Variants in MFAP2 observed in about 807,000 individuals in gnomAD.
MFAP2 encodes the protein microfibrillar-associated protein 2.
MFAP2 carries 23 observed loss-of-function variants against 30.6 expected under a neutral mutation model. The observed-to-expected ratio is 0.75, with a 90% CI of 0.54 to 1.07. The LOEUF (loss-of-function observed/expected upper bound fraction) is 1.07, where lower values mean the gene tolerates loss of function less well. Among genes scored for constraint, MFAP2 ranks in the 50% least tolerant of loss-of-function variants. MFAP2 has a pLI of 0.00. For synonymous variants in MFAP2, 73 were observed against 85.7 expected (o/e 0.85, Z 0.82); for missense variants, 198 against 223.8 (o/e 0.88, Z 0.74).
chr1:16,980,273 C>G (rs1169190678), intron 1 of MFAP2, among the ~76,000 whole-genome samples: 6 of 134,030 alleles, frequency 4.5e-5, no homozygotes. Flanking sequence ...CCGGACCCCC[C>G]CCCCCCACCC....
rs1387351954 is a variant in MFAP2 at position 16,975,048 on chromosome 1, G to T, written c.449-25C>A. ...GCTATTGGGGGCAGGAAGGAGGCAG[G>T]GTCAGGGTGGAGCTGGGTGATGGGA... On this transcript the variant is annotated intron_variant, in intron 8 of 8. Transcript: ENST00000375535. This position sits in a 1 kb window ranked among gnomAD's most constrained non-coding sequence, Gnocchi z 5.0. 3 of 873,008 alleles carry T rather than the reference G, an allele frequency of 3.4e-6. No homozygotes were observed. The highest frequency in any genetic ancestry group is 5.6e-6 in the Non-Finnish European group (3 of 534,210). The allele number at this position is 873,008 out of a possible 1,614,324, so 54.1% of individuals were successfully genotyped here. A position where few individuals can be genotyped will look rare whatever the true frequency, so the allele number is the denominator to read the frequency against.
chr1:16,977,252 C>A, intron 2 of MFAP2, 54 bp from the exon 3 acceptor site: 1 of 1,571,860 alleles, frequency 6.4e-7, no homozygotes, highest in South Asian at 1.1e-5. Context: ...AACGGGGGCC[C>A]GAGGCGCTTC....
At chr1:16,979,381 A>G (rs1300105658) in intron 1 of MFAP2, among the ~76,000 whole-genome samples, 2 of 152,094 alleles carry the variant, frequency 1.3e-5, no homozygotes, top group African/African-American at 4.8e-5. Flanking sequence ...TGGAAACCCC[A>G]ACTTTGGTCT....
Position 16,977,184 on chromosome 1 carries a change from G to C in MFAP2, c.52C>G (p.Gln18Glu). ...LLFLPAGLLAQGQYDLDPLPP... is the reference protein window; with the variant it reads ...LLFLPAGLLAEGQYDLDPLPP... ...AGCGGGTCCAGGTCATACTGGCCCTGAGCCAGCAAGCCTGCTGTGGGGAGG... is the reference window on the plus strand; with the variant it reads ...AGCGGGTCCAGGTCATACTGGCCCTCAGCCAGCAAGCCTGCTGTGGGGAGG... The change falls in exon 3 of 9, where the codon CAG (glutamine) becomes GAG (glutamate). Residue 18 changes from glutamine to glutamate, a missense_variant. Gln to Glu is a conservative substitution (Grantham distance 29, BLOSUM62 2). Coordinates refer to ENST00000375535, the MANE Select transcript of MFAP2 (RefSeq NM_002403.4). 3 of 1,613,446 alleles carry C rather than the reference G, an allele frequency of 1.9e-6. No homozygotes were observed. The highest frequency in any genetic ancestry group is 2.5e-6 in the Non-Finnish European group (3 of 1,179,916).
At position 16,976,450 on chromosome 1, in the gene MFAP2, C is replaced by G; in HGVS notation, c.286+51G>C. 6.2e-7 allele frequency: 1 copy of G among 1,612,736 alleles called. No homozygotes were observed. The highest frequency in any genetic ancestry group is 2.2e-5 in the East Asian group (1 of 44,884). ...CCACCAGCACCACCCCCTACTCCAC[C>G]CCAACTTCAGGGCGTGCCTCCATTT... On this transcript the variant is annotated intron_variant, in intron 6 of 8. Coordinates refer to ENST00000375535, the MANE Select transcript of MFAP2 (RefSeq NM_002403.4). This position sits in a 1 kb window ranked among gnomAD's most constrained non-coding sequence, Gnocchi z 5.5.
At position 16,976,388 on chromosome 1, in the gene MFAP2, C is replaced by G. The variant is rs2076591624; in HGVS notation, c.286+113G>C. 1 of 1,394,370 alleles carries G rather than the reference C, an allele frequency of 7.2e-7. No individual in the cohort carries two copies. The allele number at this position is 1,394,370 out of a possible 1,614,324, so 86.4% of individuals were successfully genotyped here. The stretch of plus-strand genomic sequence containing the variant: ...ACGGCAGTCATACTGCCCACACTGC[C>G]AAGAGCCCACATGGGCAAGGGCCAA... On this transcript the variant is annotated intron_variant, in intron 6 of 8. Transcript: ENST00000375535. The surrounding 1 kb of genome is among the most constrained non-coding windows in gnomAD (Gnocchi z 5.5).
Position 16,977,135 on chromosome 1 carries a change from T to C in MFAP2, c.101A>G (p.Gln34Arg). The C allele has an allele frequency of 6.2e-7, 1 of 1,613,910 alleles. No homozygotes were observed. Among genetic ancestry groups the C allele is most frequent in the Non-Finnish European group, 8.5e-7 (1 of 1,179,988 alleles). ...GATCTGGTCGCTATAGTGGGTGTAC[T>C]GGACGTGGTCAGGGAACGGCGGCAG... is the stretch of plus-strand genomic sequence containing the variant. ...DPLPPFPDHV[Q>R]YTHYSDQIDN... The change falls in exon 3 of 9, where the codon CAG becomes CGG. Residue 34 changes from glutamine to arginine, a missense_variant. Gln to Arg is a conservative substitution (Grantham distance 43). Coordinates refer to ENST00000375535, the MANE Select transcript of MFAP2 (RefSeq NM_002403.4).
chr1:16,976,735 G>A lies in MFAP2; in HGVS notation c.214C>T (p.Gln72Ter). 6.2e-7 allele frequency: 1 copy of A among 1,613,922 alleles called. No individual in the cohort carries two copies. The highest frequency in any genetic ancestry group is 8.5e-7 in the Non-Finnish European group (1 of 1,179,884). The change falls in exon 5 of 9, where the codon CAG becomes TAG. Residue 72 changes from glutamine (Q) to a stop codon, truncating the protein, a stop_gained. Transcript: ENST00000375535. LOFTEE classifies it high-confidence loss of function. This position sits in a 1 kb window ranked among gnomAD's most constrained non-coding sequence, Gnocchi z 5.5. Reference protein sequence around the residue: ...FQFQSQQQVQQEVIPAPTPEP... With the variant: ...FQFQSQQQVQ The stretch of plus-strand genomic sequence containing the variant: ...GGGGTTGGGGCTGGGATGACTTCCT[G>A]TTGGACTTGCTGCTGGGACTGGAAC...
chr1:16,976,377 G>T lies in MFAP2; in HGVS notation c.286+124C>A. 1 of 1,260,282 alleles carries T rather than the reference G, an allele frequency of 7.9e-7. No homozygotes were observed. The highest frequency in any genetic ancestry group is 1.2e-6 in the Non-Finnish European group (1 of 863,956). 78.1% of individuals were successfully genotyped at this position (1,260,282 alleles called of 1,614,324 possible). On this transcript the variant is annotated intron_variant, in intron 6 of 8. Transcript: ENST00000375535. This position sits in a 1 kb window ranked among gnomAD's most constrained non-coding sequence, Gnocchi z 5.5. ...GATGCCAGCCTACGGCAGTCATACT[G>T]CCCACACTGCCAAGAGCCCACATGG... is the stretch of plus-strand genomic sequence containing the variant.
In MFAP2 at chr1:16,976,866, G is replaced by A. The variant is rs143978513; in HGVS notation, c.154+31C>T. 10,605 of 1,614,064 alleles carry A rather than the reference G, an allele frequency of 6.6e-3. 55 individuals are homozygous for A. Among genetic ancestry groups the A allele is most frequent in the Non-Finnish European group, 8.0e-3 (9,443 of 1,179,958 alleles). On this transcript the variant is annotated intron_variant, in intron 4 of 8. Coordinates refer to ENST00000375535, the MANE Select transcript of MFAP2 (RefSeq NM_002403.4). This position sits in a 1 kb window ranked among gnomAD's most constrained non-coding sequence, Gnocchi z 5.5. ...AGGGGGTCTCCCCACCCCAGCTGCC[G>A]GCCCGTCCTATCCTACCCCTAGCCC...
At position 16,974,863 on chromosome 1, in the gene MFAP2, C is replaced by A. The variant is rs936874783; in HGVS notation, c.*57G>T. On this transcript the variant is annotated 3_prime_UTR_variant, in exon 9 of 9. Transcript: ENST00000375535. The stretch of plus-strand genomic sequence containing the variant: ...ATGGGGAAAAAAGCACCAGGTCAGG[C>A]AGGGCCCGAGGGCCCCAGATCCCAG... The A allele has an allele frequency of 1.0e-5, 6 of 581,162 alleles. No homozygotes were observed. In the African/African-American group the frequency reaches 1.3e-4, roughly 12 times the overall value. 36.0% of individuals were successfully genotyped at this position (581,162 alleles called of 1,614,324 possible). A position where few individuals can be genotyped will look rare whatever the true frequency, so the allele number is the denominator to read the frequency against.
chr1:16,977,397 C>A, intron 2 of MFAP2, 199 bp from the exon 3 acceptor site: 1 of 584,682 alleles, frequency 1.7e-6, no homozygotes, highest in Non-Finnish European at 3.0e-6. Flanking sequence ...ACCTCCCTGA[C>A]CTTACCCTGC....
Position 16,975,804 on chromosome 1 carries a change from T to A in MFAP2, c.287-74A>T. 1 of 1,309,484 alleles carries A rather than the reference T, an allele frequency of 7.6e-7. No homozygotes were observed. The highest frequency in any genetic ancestry group is 1.1e-6 in the Non-Finnish European group (1 of 920,926). 81.1% of individuals were successfully genotyped at this position (1,309,484 alleles called of 1,614,324 possible). A position where few individuals can be genotyped will look rare whatever the true frequency, so the allele number is the denominator to read the frequency against. ...CCAGCCTCACCCACCTGAGGCTGGC[T>A]CACAGGGCCTAGTCCCCCCTGTACC... On this transcript the variant is annotated intron_variant, in intron 6 of 8. Transcript: ENST00000375535. The surrounding 1 kb of genome is among the most constrained non-coding windows in gnomAD (Gnocchi z 5.0).
intron 3 of MFAP2, 93 bp from the exon 4 acceptor site, chr1:16,977,016 C>T: frequency 1.2e-6 from 2 of 1,612,470 alleles, no homozygotes; most frequent in South Asian, 2.2e-5. Flanking sequence ...AGGGACCAAC[C>T]CCCAGAGTTC....
chr1:16,980,266 G>GGGCCCCCCCCCCCCCCC (rs1557656617), intron 1 of MFAP2, among the ~76,000 whole-genome samples: 3 of 66,636 alleles, frequency 4.5e-5, no homozygotes, highest in Non-Finnish European at 9.6e-5. Flanking sequence ...ATTCCCACCG[G>GGGCCCCCCCCCCCCCCC]ACCCCCCCCC....
At chr1:16,980,265 G>T (rs1462949541) in intron 1 of MFAP2, among the ~76,000 whole-genome samples, 1 of 48,084 alleles carries the variant, frequency 2.1e-5, no homozygotes, top group East Asian at 9.5e-4. Flanking sequence ...CATTCCCACC[G>T]GACCCCCCCC....
chr1:16,980,205 C>T (rs2076625996), intron 1 of MFAP2, among the ~76,000 whole-genome samples: 2 of 151,792 alleles, frequency 1.3e-5, no homozygotes, highest in African/African-American at 4.8e-5. Flanking sequence ...CGCGCGCCCT[C>T]GCGCTCCCGT....
At position 16,975,578 on chromosome 1, in the gene MFAP2, G is replaced by T; in HGVS notation, c.374+65C>A. ...ACTCCCACCTTGGCGGGCCAGAGCT[G>T]TCCCCTGTGCCCTCTAGCCCCCCAT... On this transcript the variant is annotated intron_variant, in intron 7 of 8. Coordinates refer to ENST00000375535, the MANE Select transcript of MFAP2 (RefSeq NM_002403.4). This position sits in a 1 kb window ranked among gnomAD's most constrained non-coding sequence, Gnocchi z 5.0. 1 of 1,515,526 alleles carries T rather than the reference G, an allele frequency of 6.6e-7. No homozygotes were observed. The highest frequency in any genetic ancestry group is 9.1e-7 in the Non-Finnish European group (1 of 1,096,068). The allele number at this position is 1,515,526 out of a possible 1,614,324, so 93.9% of individuals were successfully genotyped here.
At chr1:16,979,178 T>A (rs2076617301) in intron 1 of MFAP2, 1 of 152,298 alleles carries the variant, frequency 6.6e-6, no homozygotes, top group Non-Finnish European at 1.5e-5. Context: ...GCTCCTGACA[T>A]TCAAGAGCCC....
Sources: allele counts gnomAD v4.1 joint callset (sites outside exome capture counted in the v4.1 genomes callset), GRCh38; gene constraint gnomAD v4.1.1; non-coding constraint Gnocchi (gnomAD v3.1); transcripts MANE v1.5; gene names NCBI Gene and HGNC (gene_info 2026-07-23, HGNC 2026-07-21).